Variants in RPS6KA2 observed in about 807,000 individuals in gnomAD.
The protein encoded by RPS6KA2 is ribosomal protein S6 kinase alpha-2.
A neutral mutation model predicts 91.8 loss-of-function variants in RPS6KA2; 42 were observed. The observed-to-expected ratio is 0.46, with a 90% CI of 0.36 to 0.59. The LOEUF (loss-of-function observed/expected upper bound fraction) is 0.59. RPS6KA2 is among the 20% of genes least tolerant of loss of function. The pLI, the probability that RPS6KA2 is intolerant of heterozygous loss-of-function variation, is 0.00. For synonymous variants in RPS6KA2, 414 were observed against 393.6 expected (o/e 1.05, Z -0.61); for missense variants, 798 against 978.5 (o/e 0.82, Z 2.46).
chr6:166,623,607 T>A (rs1786726435), intron 1 of RPS6KA2, among the ~76,000 whole-genome samples: 2 of 152,202 alleles, frequency 1.3e-5, no homozygotes, highest in Admixed American at 6.5e-5. Context: ...CCTTTCCTCA[T>A]CTATGAAGTG....
rs1296235670 is a variant in RPS6KA2 at position 166,849,339 on chromosome 6, C to T, written c.123+8861G>A. Reference sequence around the variant, plus strand: ...TCACCCTATTTCTGCACAGTACTTACCCCCGTGTGAAACCATCTTGTTGAG... The same window carrying T: ...TCACCCTATTTCTGCACAGTACTTATCCCCGTGTGAAACCATCTTGTTGAG... On this transcript the variant is annotated intron_variant, in intron 2 of 21. Coordinates refer to the RPS6KA2 transcript ENST00000503859. This position sits in a 1 kb window ranked among gnomAD's most constrained non-coding sequence, Gnocchi z 4.9. Among the ~76,000 whole-genome samples the T allele has an allele frequency of 6.6e-6, 1 of 152,206 alleles. No homozygotes were observed. Among genetic ancestry groups the T allele is most frequent in the African/African-American group, 2.4e-5 (1 of 41,458 alleles).
At position 166,413,833 on chromosome 6, in the gene RPS6KA2, G is replaced by A; in HGVS notation, c.2037C>T (p.Ser679=). The A allele has an allele frequency of 6.2e-7, 1 of 1,614,196 alleles. No homozygotes were observed. Among genetic ancestry groups the A allele is most frequent in the Non-Finnish European group, 8.5e-7 (1 of 1,180,022 alleles). Residue 679 remains serine (S), a synonymous_variant, in exon 20 of 21, where the codon TCC becomes TCT. Transcript: ENST00000265678. ...HPWVVNREYL[S]PNQLSRQDVH... ...CGTCCTGTCGGCTGAGCTGGTTTGGGGACAGGTACTCTCTGTTGACCACCC... is the reference window on the plus strand; with the variant it reads ...CGTCCTGTCGGCTGAGCTGGTTTGGAGACAGGTACTCTCTGTTGACCACCC...
At chr6:166,505,695 T>A (rs1045393826) in intron 5 of RPS6KA2, among the ~76,000 whole-genome samples, 6 of 152,234 alleles carry the variant, frequency 3.9e-5, no homozygotes, top group Non-Finnish European at 8.8e-5. Context: ...TCCACAGGGC[T>A]GGACACGCAG....
chr6:166,495,618 G>A lies in RPS6KA2; in HGVS notation c.747+2890C>T, dbSNP rs1256344515. On this transcript the variant is annotated intron_variant, in intron 8 of 20. Coordinates refer to ENST00000265678, the MANE Select transcript of RPS6KA2 (RefSeq NM_021135.6). The surrounding 1 kb of genome is among the most constrained non-coding windows in gnomAD (Gnocchi z 4.4). ...ACCCTGTTGTCTTCACTCCCTCATG[G>A]GTCCCTTGGAGGCCTGGCCAGGTGC... Among the ~76,000 whole-genome samples, 4 of 152,192 alleles carry A rather than the reference G, an allele frequency of 2.6e-5. No individual in the cohort carries two copies. The highest frequency in any genetic ancestry group is 9.7e-5 in the African/African-American group (4 of 41,424).
intron 2 of RPS6KA2, among the ~76,000 whole-genome samples, chr6:166,814,534 A>G: frequency 6.6e-6 from 1 of 152,226 alleles, no homozygotes; most frequent in East Asian, 1.9e-4. Context: ...CTTCATCTGT[A>G]TTTACAGCCC....
At chr6:166,831,532 C>T (rs1474859190) in intron 2 of RPS6KA2, among the ~76,000 whole-genome samples, 2 of 151,956 alleles carry the variant, frequency 1.3e-5, no homozygotes, top group African/African-American at 4.8e-5. Flanking sequence ...CACCTCTTCA[C>T]AGGCTCCTTC....
chr6:166,681,910 CTG>C, intron 2 of RPS6KA2, among the ~76,000 whole-genome samples: 1 of 152,272 alleles, frequency 6.6e-6, no homozygotes, highest in East Asian at 1.9e-4. Flanking sequence ...TCGGCTCCTT[CTG>C]TGAGTCTCGA....
chr6:166,529,121 T>G (rs1382542780), intron 3 of RPS6KA2, among the ~76,000 whole-genome samples: 1 of 152,168 alleles, frequency 6.6e-6, no homozygotes, highest in African/African-American at 2.4e-5. Context: ...CACATGCACA[T>G]GCATGTTTAT....
chr6:166,539,530 T>A (rs1783588185), intron 1 of RPS6KA2, among the ~76,000 whole-genome samples: 1 of 152,250 alleles, frequency 6.6e-6, no homozygotes, highest in Non-Finnish European at 1.5e-5. Flanking sequence ...ATCCCTGGTA[T>A]GTTTGTCAAA....
intron 5 of RPS6KA2, among the ~76,000 whole-genome samples, chr6:166,505,119 C>T (rs1411457068): frequency 6.6e-6 from 1 of 152,126 alleles, no homozygotes; most frequent in Non-Finnish European, 1.5e-5. Flanking sequence ...TGCTGTCAAC[C>T]CAAAGTGGGA....
At chr6:166,794,860 T>TG (rs1165234980) in intron 2 of RPS6KA2, among the ~76,000 whole-genome samples, 3 of 84,206 alleles carry the variant, frequency 3.6e-5, no homozygotes, top group Non-Finnish European at 6.8e-5. Context: ...TGTTGTGGGG[T>TG]GGGGGGAGGG....
intron 3 of RPS6KA2, among the ~76,000 whole-genome samples, chr6:166,519,984 T>C (rs566242029): frequency 6.6e-6 from 1 of 152,226 alleles, no homozygotes; most frequent in East Asian, 1.9e-4. Flanking sequence ...TTTGAATTGG[T>C]GGACTGAGTA....
rs74359313 is a variant in RPS6KA2, at chr6:166,423,165, A to G, written c.1743+91T>C. On this transcript the variant is annotated intron_variant, in intron 17 of 20. Coordinates refer to ENST00000265678, the MANE Select transcript of RPS6KA2 (RefSeq NM_021135.6). This position sits in a 1 kb window ranked among gnomAD's most constrained non-coding sequence, Gnocchi z 4.8. ...TGACGCAGCTCAAGCCGCCTCTGAC[A>G]TCCCCGCTGTCCGGTGGCTCTGCAG... 2.2e-3 allele frequency: 3,056 copies of G among 1,370,498 alleles called. 50 individuals carry two copies. In the African/African-American group the frequency reaches 0.036, roughly 16 times the overall value. 84.9% of individuals were successfully genotyped at this position (1,370,498 alleles called of 1,614,324 possible).
chr6:166,705,207 G>A (rs73788092), intron 2 of RPS6KA2, among the ~76,000 whole-genome samples: 3,812 of 152,256 alleles, frequency 0.025, 158 homozygotes, highest in African/African-American at 0.087. Flanking sequence ...GATGGTATCC[G>A]TCCAATTGTG....
chr6:166,693,428 T>C (rs571648081), intron 2 of RPS6KA2, among the ~76,000 whole-genome samples: 1 of 152,310 alleles, frequency 6.6e-6, no homozygotes, highest in African/African-American at 2.4e-5. Flanking sequence ...GCAGGGCCTC[T>C]ACTAAAGAAA....
At chr6:166,725,546 T>A (rs1303570477) in intron 2 of RPS6KA2, among the ~76,000 whole-genome samples, 1 of 152,004 alleles carries the variant, frequency 6.6e-6, no homozygotes, top group Non-Finnish European at 1.5e-5. Flanking sequence ...AGGGGGAGCA[T>A]CCCTGGGAGC....
Position 166,508,126 on chromosome 6 carries a change from G to A in RPS6KA2, c.459+77C>T. The A allele has an allele frequency of 1.1e-6, 1 of 917,144 alleles. No homozygotes were observed. The highest frequency in any genetic ancestry group is 1.8e-6 in the Non-Finnish European group (1 of 569,524). 56.8% of individuals were successfully genotyped at this position (917,144 alleles called of 1,614,324 possible). A position where few individuals can be genotyped will look rare whatever the true frequency, so the allele number is the denominator to read the frequency against. The stretch of plus-strand genomic sequence containing the variant: ...TCGCACGTGCTCACGTCCTCTCAAT[G>A]CTCTCCACCCCTCCTCCCCTCGAGT... On this transcript the variant is annotated intron_variant, in intron 5 of 20. Transcript: ENST00000265678. This position sits in a 1 kb window ranked among gnomAD's most constrained non-coding sequence, Gnocchi z 4.3.
chr6:166,734,199 G>A (rs1790608949), intron 2 of RPS6KA2, among the ~76,000 whole-genome samples: 2 of 152,208 alleles, frequency 1.3e-5, no homozygotes, highest in South Asian at 2.1e-4. Flanking sequence ...AGGATTCATG[G>A]CTAGCAGCAA....
At chr6:166,724,811 C>T (rs918541354) in intron 2 of RPS6KA2, among the ~76,000 whole-genome samples, 6 of 152,356 alleles carry the variant, frequency 3.9e-5, no homozygotes, top group African/African-American at 1.4e-4. Flanking sequence ...GATTCATCAG[C>T]TTTACACAGA....
Sources: allele counts gnomAD v4.1 joint callset (sites outside exome capture counted in the v4.1 genomes callset), GRCh38; gene constraint gnomAD v4.1.1; non-coding constraint Gnocchi (gnomAD v3.1); transcripts MANE v1.5; gene names NCBI Gene and HGNC (gene_info 2026-07-23, HGNC 2026-07-21).